NRG4: variants seen among roughly 807,000 people sequenced by gnomAD.
NRG4 encodes the protein neuregulin 4.
NRG4 carries 10 observed loss-of-function variants against 15.0 expected under a neutral mutation model. The ratio of observed to expected loss-of-function variants is 0.67; its 90% CI spans 0.41 to 1.13. The LOEUF is 1.13. NRG4 is among the 50% of genes most tolerant of loss of function. The probability of loss-of-function intolerance (pLI) is 0.00; values close to 1 mark genes in which losing one functional copy is unlikely to be tolerated. For synonymous variants in NRG4, 41 were observed against 50.1 expected, an observed-to-expected ratio of 0.82 and a Z score of 0.77; for missense variants, 139 against 140.2, an observed-to-expected ratio of 0.99 and a Z score of 0.04.
intron 5 of NRG4, among the ~76,000 whole-genome samples, chr15:76,020,700 C>T (rs940593210): frequency 5.9e-5 from 9 of 152,246 alleles, no homozygotes; most frequent in Admixed American, 3.9e-4. Flanking sequence ...GCGGCCCACG[C>T]GCCAGGGTTG....
intron 3 of NRG4, among the ~76,000 whole-genome samples, chr15:76,003,761 C>T (rs529934732): frequency 3.0e-4 from 46 of 152,106 alleles, no homozygotes; most frequent in Admixed American, 9.2e-4. Flanking sequence ...CTATGCAAGC[C>T]AGAAGATAGT....
intron 3 of NRG4, among the ~76,000 whole-genome samples, chr15:76,001,309 G>A (rs1258103228): frequency 1.3e-5 from 2 of 151,464 alleles, no homozygotes; most frequent in African/African-American, 4.9e-5. Context: ...AATTTTTGTA[G>A]CCACATTGAA....
At chr15:75,999,130 G>A (rs926073299) in intron 3 of NRG4, among the ~76,000 whole-genome samples, 1 of 152,136 alleles carries the variant, frequency 6.6e-6, no homozygotes, top group Non-Finnish European at 1.5e-5. Context: ...TCTCAAATCA[G>A]CAGGGGAATT....
intron 5 of NRG4, among the ~76,000 whole-genome samples, chr15:75,948,669 T>C (rs1449133196): frequency 1.3e-5 from 2 of 152,086 alleles, no homozygotes; most frequent in Non-Finnish European, 2.9e-5. Flanking sequence ...GGATATCCAG[T>C]TTTCTCAGCA....
chr15:75,939,590 A>C (rs2030729308), downstream of NRG4: 1 of 152,146 alleles, frequency 6.6e-6, no homozygotes, highest in Admixed American at 6.5e-5. Context: ...ATACTACAAG[A>C]AAAGATTACA....
chr15:76,019,911 T>C (rs2070918897), intron 5 of NRG4, among the ~76,000 whole-genome samples: 1 of 152,244 alleles, frequency 6.6e-6, no homozygotes, highest in South Asian at 2.1e-4. Context: ...TTTGCAGATA[T>C]TGTTTTTACT....
rs1595958474 is a variant in NRG4, at chr15:75,961,771, G to C, written c.251+57C>G. The C allele has an allele frequency of 1.1e-5, 14 of 1,243,900 alleles. No individual in the cohort carries two copies. In the East Asian group the frequency reaches 3.1e-4, roughly 27 times the overall value. The allele number at this position is 1,243,900 out of a possible 1,614,324, so 77.1% of individuals were successfully genotyped here. A position where few individuals can be genotyped will look rare whatever the true frequency, so the allele number is the denominator to read the frequency against. ...GAACTAAGGGCATATTAATTATTTA[G>C]TGGAATAACTACTTTATGTATTACT... On this transcript the variant is annotated intron_variant, in intron 4 of 5. Coordinates refer to ENST00000394907, the MANE Select transcript of NRG4 (RefSeq NM_138573.4).
At chr15:75,959,043 C>T in intron 4 of NRG4, 1 of 273,826 alleles carries the variant, frequency 3.7e-6, no homozygotes, top group Non-Finnish European at 7.4e-6. Flanking sequence ...TGCAGTAGTG[C>T]AGTCATGGCT....
intron 3 of NRG4, among the ~76,000 whole-genome samples, chr15:76,005,229 A>T (rs1226949560): frequency 6.6e-6 from 1 of 151,840 alleles, no homozygotes; most frequent in Non-Finnish European, 1.5e-5. Context: ...TCTGCAAAAA[A>T]TAAATTGCCA....
chr15:75,993,312 G>A (rs1255915358), intron 3 of NRG4, among the ~76,000 whole-genome samples: 6 of 117,578 alleles, frequency 5.1e-5, no homozygotes, highest in Non-Finnish European at 8.5e-5. Context: ...TTCCTGCTGT[G>A]TTCTCTTTTC....
At chr15:75,965,462 C>A (rs772546287) in intron 3 of NRG4, among the ~76,000 whole-genome samples, 1 of 151,950 alleles carries the variant, frequency 6.6e-6, no homozygotes, top group Non-Finnish European at 1.5e-5. Context: ...AAAGTAGAAA[C>A]CTGATGGTAA....
At chr15:76,059,828 G>A (rs2036252849), upstream of NRG4, 1 of 145,910 alleles carries the variant, frequency 6.9e-6, no homozygotes, top group Admixed American at 6.8e-5. Flanking sequence ...CGGGAGGCGA[G>A]GGCGCAGGCG....
At chr15:75,982,851 C>CTCTAACGG (rs2033657338) in intron 3 of NRG4, among the ~76,000 whole-genome samples, 2 of 152,190 alleles carry the variant, frequency 1.3e-5, no homozygotes. Context: ...CTCCCCACAT[C>CTCTAACGG]TCTAACGGAC....
chr15:76,051,036 C>T (rs1044674914), intron 4 of NRG4, among the ~76,000 whole-genome samples: 7 of 148,794 alleles, frequency 4.7e-5, no homozygotes, highest in African/African-American at 1.5e-4. Context: ...GATGGAGTCT[C>T]GCTCTGTCGC....
intron 5 of NRG4, among the ~76,000 whole-genome samples, chr15:76,019,664 T>C (rs1051966449): frequency 2.6e-5 from 4 of 152,168 alleles, no homozygotes; most frequent in Non-Finnish European, 4.4e-5. Context: ...TTGCCCTCTG[T>C]GGGCTGCACC....
intron 3 of NRG4, among the ~76,000 whole-genome samples, chr15:75,983,326 A>G (rs115829138): frequency 6.6e-6 from 1 of 152,354 alleles, no homozygotes; most frequent in African/African-American, 2.4e-5. Flanking sequence ...AAAACCCTCA[A>G]TAAAATAGAA....
intron 2 of NRG4, among the ~76,000 whole-genome samples, chr15:76,055,002 G>A (rs544138073): frequency 2.7e-5 from 4 of 149,192 alleles, no homozygotes; most frequent in East Asian, 2.0e-4. Context: ...AGAGGGGGCC[G>A]GGCACAGTGG....
At chr15:76,024,960 AAAAC>A (rs1229568503) in intron 5 of NRG4, among the ~76,000 whole-genome samples, 2 of 152,214 alleles carry the variant, frequency 1.3e-5, no homozygotes, top group Non-Finnish European at 2.9e-5. Flanking sequence ...AATGTAAGCA[AAAAC>A]AAACAAAAAA....
intron 3 of NRG4, among the ~76,000 whole-genome samples, chr15:76,007,544 C>G (rs1329016316): frequency 3.3e-5 from 5 of 151,682 alleles, no homozygotes; most frequent in Non-Finnish European, 7.4e-5. Context: ...ATTCTCCTGC[C>G]TCAGCCTCCC....
Sources: allele counts gnomAD v4.1 joint callset (sites outside exome capture counted in the v4.1 genomes callset), GRCh38; gene constraint gnomAD v4.1.1; transcripts MANE v1.5; gene names NCBI Gene and HGNC (gene_info 2026-07-23, HGNC 2026-07-21).